Variants in SDK1 observed in about 807,000 individuals in gnomAD.
SDK1 encodes the protein protein sidekick-1.
In SDK1, 157 loss-of-function variants were observed where a neutral mutation model predicts 245.5. The observed-to-expected ratio is 0.64, with a 90% CI of 0.56 to 0.73. The LOEUF (loss-of-function observed/expected upper bound fraction) is 0.73, where lower values mean the gene tolerates loss of function less well. Among genes scored for constraint, SDK1 ranks in the 30% least tolerant of loss-of-function variants. SDK1 has a pLI of 0.00. For missense variants in SDK1, 3,583 were observed against 3,002.3 expected, an observed-to-expected ratio of 1.19 and a Z score of -4.52; for synonymous variants, 1,647 against 1,278.5, an observed-to-expected ratio of 1.29 and a Z score of -6.15.
At chr7:3,617,199 C>T (rs758108112) in intron 1 of SDK1, among the ~76,000 whole-genome samples, 49 of 152,056 alleles carry the variant, frequency 3.2e-4, no homozygotes, top group Non-Finnish European at 6.6e-4. Flanking sequence ...TAAATACTAG[C>T]TATTGCTGAT....
At chr7:3,545,074 G>T (rs373227602) in intron 1 of SDK1, among the ~76,000 whole-genome samples, 1 of 152,182 alleles carries the variant, frequency 6.6e-6, no homozygotes, top group East Asian at 1.9e-4. Context: ...GAGGAGAGCT[G>T]GTGCTATGTG....
intron 42 of SDK1, among the ~76,000 whole-genome samples, chr7:4,239,012 C>T (rs1786361122): frequency 6.6e-6 from 1 of 152,228 alleles, no homozygotes; most frequent in Non-Finnish European, 1.5e-5. Flanking sequence ...TAGCTCTTCT[C>T]ACCCACTGCA....
intron 1 of SDK1, among the ~76,000 whole-genome samples, chr7:3,544,924 A>G (rs1349078103): frequency 6.6e-6 from 1 of 152,152 alleles, no homozygotes; most frequent in Non-Finnish European, 1.5e-5. Context: ...GGGAAGCAGT[A>G]TGGTGGATTT....
At chr7:4,190,093 A>T (rs533136945) in intron 35 of SDK1, among the ~76,000 whole-genome samples, 1 of 152,234 alleles carries the variant, frequency 6.6e-6, no homozygotes, top group African/African-American at 2.4e-5. Context: ...CAGTGACGCC[A>T]GTTTGAAAAC....
At chr7:4,242,545 A>G (rs964868819) in intron 43 of SDK1, among the ~76,000 whole-genome samples, 7 of 152,040 alleles carry the variant, frequency 4.6e-5, no homozygotes, top group African/African-American at 1.7e-4. Flanking sequence ...ACCCTTGACC[A>G]AGGAGAAGGG....
chr7:3,709,683 A>G (rs1784986090), intron 4 of SDK1, among the ~76,000 whole-genome samples: 1 of 152,252 alleles, frequency 6.6e-6, no homozygotes, highest in Non-Finnish European at 1.5e-5. Context: ...CACTGCCTCC[A>G]ATCCACCATA....
intron 4 of SDK1, among the ~76,000 whole-genome samples, chr7:3,648,481 A>T (rs180936338): frequency 2.0e-5 from 3 of 152,326 alleles, no homozygotes; most frequent in Admixed American, 6.5e-5. Flanking sequence ...AATGATCTGG[A>T]TTGTGAAGTA....
rs181694905 is a variant in SDK1 at position 3,509,537 on chromosome 7, C to T, written c.299-109543C>T. Among the ~76,000 whole-genome samples the T allele has an allele frequency of 3.2e-4, 48 of 152,216 alleles. No individual in the cohort carries two copies. The East Asian group carries it at 4.6e-3, about 15-fold the overall frequency. On this transcript the variant is annotated intron_variant, in intron 1 of 44. Transcript: ENST00000404826. ...TAAATACAACCACAATGTTTGGGGCCGTTGTGTTACCTCCATTTTACAGTT... is the reference window on the plus strand; with the variant it reads ...TAAATACAACCACAATGTTTGGGGCTGTTGTGTTACCTCCATTTTACAGTT...
At chr7:4,121,384 C>T (rs1307942647) in intron 25 of SDK1, among the ~76,000 whole-genome samples, 6 of 152,098 alleles carry the variant, frequency 3.9e-5, no homozygotes, top group East Asian at 1.9e-4. Context: ...GGGCAATTTC[C>T]GCCATGCTGT....
chr7:4,165,690 A>G (rs1781458697), intron 32 of SDK1, among the ~76,000 whole-genome samples: 1 of 152,094 alleles, frequency 6.6e-6, no homozygotes, highest in African/African-American at 2.4e-5. Context: ...GGATTTCATC[A>G]TGTTGGCCAG....
intron 17 of SDK1, among the ~76,000 whole-genome samples, chr7:4,048,300 C>A (rs756403136): frequency 6.6e-6 from 1 of 152,126 alleles, no homozygotes; most frequent in Non-Finnish European, 1.5e-5. Context: ...ATGGTGCAGC[C>A]GGAGGCTTGG....
chr7:4,181,645 G>A (rs1209465554), intron 35 of SDK1, among the ~76,000 whole-genome samples: 9 of 151,874 alleles, frequency 5.9e-5, no homozygotes, highest in Non-Finnish European at 8.8e-5. Context: ...CACCCTCCAC[G>A]TGACTCACCT....
intron 1 of SDK1, among the ~76,000 whole-genome samples, chr7:3,493,144 A>C (rs1583944901): frequency 6.6e-6 from 1 of 151,850 alleles, no homozygotes; most frequent in African/African-American, 2.4e-5. Flanking sequence ...CTAGAGACGG[A>C]GTTTCACCGT....
chr7:3,889,423 GGCA>G (rs1449209154), intron 5 of SDK1, among the ~76,000 whole-genome samples: 1 of 152,200 alleles, frequency 6.6e-6, no homozygotes, highest in Non-Finnish European at 1.5e-5. Flanking sequence ...GTTCCTTCAT[GGCA>G]GCTGTAGCTG....
At chr7:3,517,126 T>A (rs1782780075) in intron 1 of SDK1, among the ~76,000 whole-genome samples, 1 of 152,180 alleles carries the variant, frequency 6.6e-6, no homozygotes, top group Non-Finnish European at 1.5e-5. Flanking sequence ...ATTTTTAGTC[T>A]GAACCATTTC....
chr7:3,311,530 G>A (rs1779550249), intron 1 of SDK1, among the ~76,000 whole-genome samples: 1 of 152,094 alleles, frequency 6.6e-6, no homozygotes, highest in African/African-American at 2.4e-5. Flanking sequence ...TGACAAAAAT[G>A]ATCTTAAAAT....
intron 5 of SDK1, among the ~76,000 whole-genome samples, chr7:3,932,115 T>C (rs1779997966): frequency 6.6e-6 from 1 of 152,222 alleles, no homozygotes; most frequent in Non-Finnish European, 1.5e-5. Flanking sequence ...ATTTGAACAA[T>C]CACATAAATG....
intron 2 of SDK1, among the ~76,000 whole-genome samples, chr7:3,634,756 C>G (rs1399930226): frequency 6.6e-6 from 1 of 152,132 alleles, no homozygotes; most frequent in Non-Finnish European, 1.5e-5. Context: ...CATATTTTTT[C>G]CTTGGTGAGA....
chr7:3,729,824 C>T (rs1378856769), intron 4 of SDK1, among the ~76,000 whole-genome samples: 1 of 151,504 alleles, frequency 6.6e-6, no homozygotes. Flanking sequence ...TATTTAAGAA[C>T]CGAGAAAATC....
Sources: gnomAD v4.1 joint callset for allele counts (sites outside exome capture counted in the v4.1 genomes callset) on GRCh38, gnomAD v4.1.1 for gene constraint, MANE v1.5 for transcripts, NCBI Gene and HGNC (gene_info 2026-07-23, HGNC 2026-07-21) for gene names.